TENM3: variants seen among roughly 807,000 people sequenced by gnomAD.
The protein encoded by TENM3 is teneurin transmembrane protein 3, also known as teneurin-3.
A neutral mutation model predicts 255.1 loss-of-function variants in TENM3; 63 were observed. The ratio of observed to expected loss-of-function variants is 0.25; its 90% CI spans 0.20 to 0.30. The LOEUF is 0.30. Ranked by LOEUF, TENM3 falls within the 10% of genes least tolerant of loss-of-function variation. The probability of loss-of-function intolerance (pLI) is 1.00; values close to 1 mark genes in which losing one functional copy is unlikely to be tolerated. For missense variants in TENM3, 2,929 were observed against 3,461.1 expected (o/e 0.85, Z 3.86); for synonymous variants, 1,306 against 1,322.3 (o/e 0.99, Z 0.27).
chr4:181,682,846 G>A, the TENM3 span, among the ~76,000 whole-genome samples: 1 of 151,980 alleles, frequency 6.6e-6, no homozygotes, highest in African/African-American at 2.4e-5. Flanking sequence ...TCATGTTACG[G>A]TCAGGCACAT....
chr4:182,090,900 T>C, the TENM3 span, among the ~76,000 whole-genome samples: 2 of 152,232 alleles, frequency 1.3e-5, no homozygotes, highest in African/African-American at 4.8e-5. Context: ...TAATCTTTCT[T>C]CTTAGGTTTG....
At chr4:182,080,806 A>G in the TENM3 span, among the ~76,000 whole-genome samples, 1 of 151,148 alleles carries the variant, frequency 6.6e-6, no homozygotes, top group African/African-American at 2.4e-5. Context: ...AGCCTAGGCA[A>G]CATAGGGAGA....
At chr4:182,586,861 GA>G (rs1359963342) in intron 3 of TENM3, among the ~76,000 whole-genome samples, 1 of 151,914 alleles carries the variant, frequency 6.6e-6, no homozygotes, top group African/African-American at 2.4e-5. Context: ...TAATATGCTA[GA>G]AAAAAATAAC....
At chr4:182,302,005 T>C (rs150866770) in intron 1 of TENM3, among the ~76,000 whole-genome samples, 3,372 of 152,298 alleles carry the variant, frequency 0.022, 54 homozygotes, top group Middle Eastern at 0.041. Flanking sequence ...AGGACTCACT[T>C]GACTAATACA....
the TENM3 span, among the ~76,000 whole-genome samples, chr4:181,742,105 A>G: frequency 2.6e-5 from 4 of 152,114 alleles, no homozygotes; most frequent in African/African-American, 9.7e-5. Flanking sequence ...CTACTGTTTG[A>G]CCTTGCTTGT....
chr4:181,662,448 T>C, the TENM3 span, among the ~76,000 whole-genome samples: 1 of 152,226 alleles, frequency 6.6e-6, no homozygotes, highest in Admixed American at 6.5e-5. Context: ...CCTGCAATCA[T>C]CATATTAGTC....
chr4:182,497,083 C>T (rs374122567), intron 3 of TENM3, among the ~76,000 whole-genome samples: 2 of 150,422 alleles, frequency 1.3e-5, no homozygotes, highest in Admixed American at 6.6e-5. Flanking sequence ...GAGACGGAGT[C>T]TTGCTCTGTC....
At chr4:182,451,740 A>G (rs769504435) in intron 3 of TENM3, among the ~76,000 whole-genome samples, 3 of 152,200 alleles carry the variant, frequency 2.0e-5, no homozygotes, top group Non-Finnish European at 4.4e-5. Context: ...TCTAAAGTTC[A>G]TTTCAAAAGA....
the TENM3 span, among the ~76,000 whole-genome samples, chr4:181,789,584 A>G: frequency 5.9e-5 from 9 of 151,994 alleles, no homozygotes; most frequent in Non-Finnish European, 1.2e-4. Context: ...ATGCTCATGA[A>G]GGACTTAGAC....
chr4:181,876,009 T>C, the TENM3 span, among the ~76,000 whole-genome samples: 1 of 152,186 alleles, frequency 6.6e-6, no homozygotes, highest in Admixed American at 6.5e-5. Flanking sequence ...TGCTTCCTCC[T>C]CTTTAAAGGT....
At chr4:181,484,931 T>C in the TENM3 span, among the ~76,000 whole-genome samples, 1 of 152,178 alleles carries the variant, frequency 6.6e-6, no homozygotes, top group Non-Finnish European at 1.5e-5. Flanking sequence ...TGAGATTTCT[T>C]CAAGGATTAT....
rs1329107689 is a variant in TENM3 at position 182,600,953 on chromosome 4, A to G, written c.541A>G (p.Thr181Ala). Residue 181 changes from threonine to alanine, a missense_variant, in exon 4 of 28, where the codon ACC (threonine) becomes GCC (alanine). This residue lies in a region of TENM3 where 283 missense variants were observed against 256.9 expected (regional missense o/e 1.10). Transcript: ENST00000511685. ...ACCTGCAAGCAATCAAGGCCAGTCT[A>G]CCCTGCAGCCCTTGCCGCCTTCCCA... The part of the protein sequence containing the change: ...EQPASNQGQS[T>A]LQPLPPSHKQ... 6.4e-7 allele frequency: 1 copy of G among 1,550,976 alleles called. No homozygotes were observed. The highest frequency in any genetic ancestry group is 1.1e-5 in the South Asian group (1 of 88,758).
intron 3 of TENM3, chr4:182,349,926 C>T (rs1471333738): frequency 1.5e-5 from 4 of 264,038 alleles, no homozygotes; most frequent in Admixed American, 5.4e-5. Context: ...CAAAAGGAAA[C>T]GAATTTAAGA....
the TENM3 span, among the ~76,000 whole-genome samples, chr4:181,764,751 TAC>T: frequency 1.3e-5 from 2 of 152,192 alleles, no homozygotes; most frequent in African/African-American, 4.8e-5. Flanking sequence ...ACTGCAGCAG[TAC>T]AGTCTCGGCT....
the TENM3 span, among the ~76,000 whole-genome samples, chr4:181,692,866 G>C: frequency 6.6e-6 from 1 of 152,142 alleles, no homozygotes; most frequent in Non-Finnish European, 1.5e-5. Context: ...CCAACAGTTA[G>C]ATGAGATCAG....
chr4:182,248,106 A>G (rs1393429579), intron 1 of TENM3, among the ~76,000 whole-genome samples: 1 of 152,222 alleles, frequency 6.6e-6, no homozygotes, highest in African/African-American at 2.4e-5. Context: ...GCAAGCATAT[A>G]TGAAATACAT....
the TENM3 span, among the ~76,000 whole-genome samples, chr4:182,067,605 C>A: frequency 6.6e-6 from 1 of 152,090 alleles, no homozygotes; most frequent in Non-Finnish European, 1.5e-5. Flanking sequence ...TAGAGGAAAC[C>A]CCAAGTGGGC....
intron 3 of TENM3, among the ~76,000 whole-genome samples, chr4:182,433,517 G>C (rs946607219): frequency 1.3e-5 from 2 of 152,150 alleles, no homozygotes; most frequent in Admixed American, 1.3e-4. Flanking sequence ...CGAGAGGAAG[G>C]GCAGCTAAGC....
intron 12 of TENM3, among the ~76,000 whole-genome samples, chr4:182,694,201 C>T (rs1444619008): frequency 6.6e-6 from 1 of 152,046 alleles, no homozygotes; most frequent in African/African-American, 2.4e-5. Context: ...CCTCTGCCTC[C>T]TGAGCCCAAG....
Sources: allele counts gnomAD v4.1 joint callset (sites outside exome capture counted in the v4.1 genomes callset), GRCh38; gene constraint gnomAD v4.1.1; regional missense constraint gnomAD v4.1.1; transcripts MANE v1.5; gene names NCBI Gene and HGNC (gene_info 2026-07-23, HGNC 2026-07-21).